GPC5: variants seen among roughly 807,000 people sequenced by gnomAD.
The protein encoded by GPC5 is glypican-5.
In GPC5, 47 loss-of-function variants were observed where a neutral mutation model predicts 53.9. That is an observed-to-expected ratio of 0.87 (90% CI 0.69 to 1.11). The LOEUF (loss-of-function observed/expected upper bound fraction) is 1.11. Among genes scored for constraint, GPC5 ranks in the 50% most tolerant of loss-of-function variants. GPC5 has a pLI of 0.00. For synonymous variants in GPC5, 286 were observed against 263.3 expected (o/e 1.09, Z -0.84); for missense variants, 748 against 713.1 (o/e 1.05, Z -0.56).
At chr13:91,718,021 C>A (rs1284698439) in intron 3 of GPC5, among the ~76,000 whole-genome samples, 1 of 152,150 alleles carries the variant, frequency 6.6e-6, no homozygotes, top group Non-Finnish European at 1.5e-5. Flanking sequence ...GATTCTTACA[C>A]CCACTGATAA....
intron 6 of GPC5, among the ~76,000 whole-genome samples, chr13:92,073,105 A>G (rs1427108233): frequency 1.3e-5 from 2 of 152,160 alleles, no homozygotes; most frequent in African/African-American, 4.8e-5. Context: ...AGATTTTTAA[A>G]AGGTCATGGC....
chr13:91,585,340 C>A (rs549896891), intron 2 of GPC5, among the ~76,000 whole-genome samples: 1 of 152,184 alleles, frequency 6.6e-6, no homozygotes, highest in African/African-American at 2.4e-5. Flanking sequence ...AGATGTAAAA[C>A]AAAGTTCATA....
At position 91,434,276 on chromosome 13, in the gene GPC5, C is replaced by T. The variant is rs80258619; in HGVS notation, c.164-14485C>T. On this transcript the variant is annotated intron_variant, in intron 1 of 7. Coordinates refer to ENST00000377067, the MANE Select transcript of GPC5 (RefSeq NM_004466.6). Reference sequence around the variant, plus strand: ...GTGTTTTAGACATGAAGTCCTTGCCCATGCCTATGTCCTGAATGGTATTGC... The same window carrying T: ...GTGTTTTAGACATGAAGTCCTTGCCTATGCCTATGTCCTGAATGGTATTGC... Among the ~76,000 whole-genome samples, 1,518 of 152,240 alleles carry T rather than the reference C, an allele frequency of 1.0e-2. 11 individuals carry two copies. Among genetic ancestry groups the T allele is most frequent in the Non-Finnish European group, 0.015 (1,040 of 68,020 alleles).
At chr13:92,140,553 A>G (rs1238546735) in intron 6 of GPC5, among the ~76,000 whole-genome samples, 1 of 152,038 alleles carries the variant, frequency 6.6e-6, no homozygotes, top group Admixed American at 6.6e-5. Context: ...TTTCTCAAAC[A>G]TTTTTCCACA....
chr13:92,210,245 T>C (rs2042365310), intron 7 of GPC5, among the ~76,000 whole-genome samples: 1 of 152,160 alleles, frequency 6.6e-6, no homozygotes, highest in Non-Finnish European at 1.5e-5. Context: ...TGAGACCCTA[T>C]TTTAATTGAT....
intron 2 of GPC5, among the ~76,000 whole-genome samples, chr13:91,599,646 ATTAAT>A (rs2033112255): frequency 1.3e-5 from 2 of 152,342 alleles, no homozygotes; most frequent in African/African-American, 4.8e-5. Context: ...AAGTAGTGAA[ATTAAT>A]TTACATAAGT....
intron 7 of GPC5, among the ~76,000 whole-genome samples, chr13:92,420,639 C>G (rs139054083): frequency 3.3e-5 from 5 of 152,054 alleles, no homozygotes; most frequent in African/African-American, 1.2e-4. Flanking sequence ...CCTCTCACCC[C>G]CTTACTACCC....
intron 6 of GPC5, among the ~76,000 whole-genome samples, chr13:92,139,624 G>C (rs61966455): frequency 7.5e-6 from 1 of 133,516 alleles, no homozygotes; most frequent in Non-Finnish European, 1.5e-5. Flanking sequence ...CCAAGACTGC[G>C]CCATTGCTTT....
chr13:91,821,264 G>A (rs2038490286), intron 5 of GPC5, among the ~76,000 whole-genome samples: 1 of 151,998 alleles, frequency 6.6e-6, no homozygotes, highest in African/African-American at 2.4e-5. Context: ...TTGAAACTTT[G>A]TTTTCTTGCT....
At chr13:91,926,908 C>T (rs919242646) in intron 6 of GPC5, among the ~76,000 whole-genome samples, 3 of 152,128 alleles carry the variant, frequency 2.0e-5, no homozygotes, top group African/African-American at 7.2e-5. Flanking sequence ...TACATAGTTT[C>T]TACCATGATT....
chr13:92,563,902 C>T (rs1040904378), intron 7 of GPC5, among the ~76,000 whole-genome samples: 4 of 151,946 alleles, frequency 2.6e-5, no homozygotes, highest in Admixed American at 2.6e-4. Flanking sequence ...AGAAATTTAC[C>T]TCCAAAGAGA....
intron 2 of GPC5, among the ~76,000 whole-genome samples, chr13:91,456,146 T>A (rs565683522): frequency 6.6e-6 from 1 of 152,214 alleles, no homozygotes; most frequent in African/African-American, 2.4e-5. Context: ...AAATATTAAA[T>A]ACCCACCGCA....
chr13:92,131,744 A>T lies in GPC5; in HGVS notation c.1402-13086A>T, dbSNP rs1249841871. 4.0e-5 allele frequency among the ~76,000 whole-genome samples: 6 copies of T among 151,836 alleles called. No individual in the cohort carries two copies. The South Asian group carries it at 6.2e-4, about 16-fold the overall frequency. On this transcript the variant is annotated intron_variant, in intron 6 of 7. Coordinates refer to ENST00000377067, the MANE Select transcript of GPC5 (RefSeq NM_004466.6). ...AGGTTTATGGGGTATTTCTAAGATG[A>T]TTTTTTTTATCTAAGTTTTTCCATG...
intron 4 of GPC5, among the ~76,000 whole-genome samples, chr13:91,749,713 AG>A (rs1023434093): frequency 1.1e-4 from 16 of 152,354 alleles, no homozygotes; most frequent in African/African-American, 3.4e-4. Flanking sequence ...ACAGTGTATA[AG>A]TGTTCCCTTT....
At chr13:91,991,058 C>G (rs1339541468) in intron 6 of GPC5, among the ~76,000 whole-genome samples, 1 of 152,180 alleles carries the variant, frequency 6.6e-6, no homozygotes, top group East Asian at 1.9e-4. Flanking sequence ...GTTGTGTGTG[C>G]ATTCATAGCA....
chr13:92,744,084 A>G (rs1889179892), intron 7 of GPC5, among the ~76,000 whole-genome samples: 1 of 152,118 alleles, frequency 6.6e-6, no homozygotes, highest in Non-Finnish European at 1.5e-5. Flanking sequence ...AAAACCCAGG[A>G]AAGAGATTAG....
intron 7 of GPC5, among the ~76,000 whole-genome samples, chr13:92,611,404 G>C (rs996045955): frequency 1.1e-4 from 16 of 151,946 alleles, no homozygotes; most frequent in African/African-American, 3.9e-4. Context: ...GATTCCACTT[G>C]ACAACCAATA....
chr13:92,782,831 A>C (rs2138764051), intron 7 of GPC5, among the ~76,000 whole-genome samples: 1 of 152,156 alleles, frequency 6.6e-6, no homozygotes, highest in African/African-American at 2.4e-5. Flanking sequence ...TTTGAATATA[A>C]ATTCTTTTTT....
At chr13:91,473,790 A>C (rs1882772209) in intron 2 of GPC5, among the ~76,000 whole-genome samples, 1 of 152,160 alleles carries the variant, frequency 6.6e-6, no homozygotes, top group African/African-American at 2.4e-5. Context: ...ATCTTTTAGC[A>C]GTGTTAGTTG....
Sources: allele counts gnomAD v4.1 joint callset (sites outside exome capture counted in the v4.1 genomes callset), GRCh38; gene constraint gnomAD v4.1.1; transcripts MANE v1.5; gene names NCBI Gene and HGNC (gene_info 2026-07-23, HGNC 2026-07-21).